Variants in CTNNA3 observed in about 807,000 individuals in gnomAD.
CTNNA3 encodes the protein catenin alpha 3.
CTNNA3 carries 76 observed loss-of-function variants against 95.7 expected under a neutral mutation model. The observed-to-expected ratio is 0.79, with a 90% CI of 0.66 to 0.96. CTNNA3 has a LOEUF of 0.96. Among genes scored for constraint, CTNNA3 ranks in the 40% least tolerant of loss-of-function variants. The pLI is 0.00. For synonymous variants in CTNNA3, 431 were observed against 374.4 expected (o/e 1.15, Z -1.74); for missense variants, 1,191 against 1,089.8 (o/e 1.09, Z -1.31).
At chr10:66,280,229 C>A (rs1284882373) in intron 13 of CTNNA3, among the ~76,000 whole-genome samples, 1 of 152,086 alleles carries the variant, frequency 6.6e-6, no homozygotes, top group Non-Finnish European at 1.5e-5. Flanking sequence ...CAAATCCTAT[C>A]TTTTCTGCAC....
intron 5 of CTNNA3, among the ~76,000 whole-genome samples, chr10:67,311,177 A>T (rs964722060): frequency 6.6e-6 from 1 of 152,188 alleles, no homozygotes; most frequent in Non-Finnish European, 1.5e-5. Context: ...CTTTTAGGGA[A>T]CCACTTGTGG....
intron 7 of CTNNA3, among the ~76,000 whole-genome samples, chr10:66,903,848 A>T (rs1029307445): frequency 3.9e-5 from 6 of 152,226 alleles, no homozygotes; most frequent in Non-Finnish European, 8.8e-5. Flanking sequence ...TTCAAGGAGA[A>T]CTACAAACCA....
chr10:67,595,128 A>G (rs1015990263), intron 3 of CTNNA3, among the ~76,000 whole-genome samples: 1 of 152,124 alleles, frequency 6.6e-6, no homozygotes, highest in Non-Finnish European at 1.5e-5. Context: ...TTACGTCTCA[A>G]TTTTATTCAG....
At chr10:67,352,115 C>T (rs1842658579) in intron 5 of CTNNA3, among the ~76,000 whole-genome samples, 1 of 151,958 alleles carries the variant, frequency 6.6e-6, no homozygotes, top group African/African-American at 2.4e-5. Context: ...AGCAAATATA[C>T]TTCCATACAA....
chr10:66,758,572 T>C (rs1054334173), intron 9 of CTNNA3, among the ~76,000 whole-genome samples: 7 of 152,162 alleles, frequency 4.6e-5, no homozygotes, highest in East Asian at 1.9e-4. Context: ...CTTGACCAAA[T>C]ACCATGTTGG....
At chr10:67,689,232 G>A (rs1840794939) in intron 1 of CTNNA3, among the ~76,000 whole-genome samples, 1 of 152,126 alleles carries the variant, frequency 6.6e-6, no homozygotes, top group East Asian at 1.9e-4. Context: ...TCACTTATAT[G>A]AATAGGAAAG....
chr10:67,272,672 T>C (rs1212888270), intron 5 of CTNNA3, among the ~76,000 whole-genome samples: 1 of 152,192 alleles, frequency 6.6e-6, no homozygotes, highest in African/African-American at 2.4e-5. Flanking sequence ...TACAAAATAA[T>C]GTTCAAAGAA....
At chr10:66,169,154 G>A (rs904817221) in intron 13 of CTNNA3, among the ~76,000 whole-genome samples, 1 of 152,260 alleles carries the variant, frequency 6.6e-6, no homozygotes, top group Admixed American at 6.5e-5. Flanking sequence ...AAGCCAATCT[G>A]TAGTCTTTTA....
chr10:67,392,604 C>A (rs899518086), intron 5 of CTNNA3, among the ~76,000 whole-genome samples: 6 of 152,186 alleles, frequency 3.9e-5, no homozygotes, highest in Non-Finnish European at 7.3e-5. Flanking sequence ...GACGCATGCA[C>A]ACGTATGTTT....
chr10:66,927,227 C>T lies in CTNNA3; in HGVS notation c.1048-151703G>A, dbSNP rs1589435465. 6.2e-7 allele frequency: 1 copy of T among 1,614,124 alleles called. No homozygotes were observed. Among genetic ancestry groups the T allele is most frequent in the Non-Finnish European group, 8.5e-7 (1 of 1,180,028 alleles). On this transcript the variant is annotated intron_variant, in intron 7 of 17. Coordinates refer to ENST00000433211, the MANE Select transcript of CTNNA3 (RefSeq NM_013266.4). This position sits in a 1 kb window ranked among gnomAD's most constrained non-coding sequence, Gnocchi z 4.7. ...CATATCAGCAATATTGACGAAAATG[C>T]TTTTAATGGAATACGCAGACTCAAA... is the stretch of plus-strand genomic sequence containing the variant.
chr10:67,279,873 G>GA (rs1404836364), intron 5 of CTNNA3, among the ~76,000 whole-genome samples: 3 of 149,600 alleles, frequency 2.0e-5, no homozygotes, highest in African/African-American at 7.4e-5. Flanking sequence ...AGGTGGAAGA[G>GA]AAAAAACTGA....
intron 5 of CTNNA3, among the ~76,000 whole-genome samples, chr10:67,343,860 T>C (rs1388340534): frequency 1.3e-5 from 2 of 150,712 alleles, no homozygotes; most frequent in Non-Finnish European, 3.0e-5. Flanking sequence ...CAATTTTTTC[T>C]CCATTCTATA....
chr10:67,457,500 T>C (rs1477888329), intron 5 of CTNNA3, among the ~76,000 whole-genome samples: 2 of 152,196 alleles, frequency 1.3e-5, no homozygotes, highest in African/African-American at 4.8e-5. Context: ...CTTTCATTCA[T>C]CAAATCAGAA....
At chr10:66,159,853 C>T (rs987475991) in intron 13 of CTNNA3, among the ~76,000 whole-genome samples, 5 of 151,822 alleles carry the variant, frequency 3.3e-5, no homozygotes, top group African/African-American at 4.8e-5. Flanking sequence ...TTCAATCTCA[C>T]TGCTTGTTGT....
intron 9 of CTNNA3, among the ~76,000 whole-genome samples, chr10:66,654,778 A>G (rs1349999178): frequency 6.6e-6 from 1 of 152,134 alleles, no homozygotes; most frequent in Admixed American, 6.5e-5. Flanking sequence ...TTGGTCTTAA[A>G]TAAGAAGGAA....
intron 7 of CTNNA3, among the ~76,000 whole-genome samples, chr10:66,888,174 G>C (rs1489574664): frequency 6.6e-6 from 1 of 152,148 alleles, no homozygotes; most frequent in African/African-American, 2.4e-5. Flanking sequence ...TGCTGGTTCT[G>C]AGCTGTAGTG....
chr10:66,874,151 CA>C (rs922133883), intron 7 of CTNNA3, among the ~76,000 whole-genome samples: 1 of 151,988 alleles, frequency 6.6e-6, no homozygotes, highest in African/African-American at 2.4e-5. Flanking sequence ...GTCTCAGGAA[CA>C]AGTGTACCTT....
chr10:66,709,301 C>T (rs930004494), intron 9 of CTNNA3, among the ~76,000 whole-genome samples: 1 of 151,948 alleles, frequency 6.6e-6, no homozygotes, highest in Admixed American at 6.6e-5. Flanking sequence ...TCCCATCTTC[C>T]AAAAGGGGCC....
intron 10 of CTNNA3, among the ~76,000 whole-genome samples, chr10:66,565,643 C>T (rs532837963): frequency 8.3e-4 from 127 of 152,228 alleles, no homozygotes; most frequent in Non-Finnish European, 1.7e-3. Flanking sequence ...CATGGAGTCG[C>T]GCCTGAGGTT....
Sources: allele counts gnomAD v4.1 joint callset (sites outside exome capture counted in the v4.1 genomes callset), GRCh38; gene constraint gnomAD v4.1.1; non-coding constraint Gnocchi (gnomAD v3.1); transcripts MANE v1.5; gene names NCBI Gene and HGNC (gene_info 2026-07-23, HGNC 2026-07-21).